The following BMPR1B variants were observed in gnomAD, a reference collection of about 807,000 sequenced individuals.
BMPR1B encodes bone morphogenetic protein receptor type-1B.
In BMPR1B, 12 loss-of-function variants were observed where a neutral mutation model predicts 59.1. The observed-to-expected ratio is 0.20, with a 90% CI of 0.13 to 0.33. The LOEUF is 0.33. Among genes scored for constraint, BMPR1B ranks in the 10% least tolerant of loss-of-function variants. The pLI, the probability that BMPR1B is intolerant of heterozygous loss-of-function variation, is 1.00. For missense variants in BMPR1B, 550 were observed against 610.9 expected, an observed-to-expected ratio of 0.90 and a Z score of 1.05; for synonymous variants, 237 against 207.3, an observed-to-expected ratio of 1.14 and a Z score of -1.23.
intron 1 of BMPR1B, among the ~76,000 whole-genome samples, chr4:94,834,944 T>G (rs1490259892): frequency 6.9e-6 from 1 of 144,266 alleles, no homozygotes; most frequent in African/African-American, 2.6e-5. Context: ...GTTTCTTTGT[T>G]TTTTTTTTTT....
At chr4:94,761,177 T>A (rs935297247) in intron 1 of BMPR1B, among the ~76,000 whole-genome samples, 3 of 152,226 alleles carry the variant, frequency 2.0e-5, no homozygotes, top group African/African-American at 7.2e-5. Context: ...CTCTGAAGAT[T>A]TCTTTTCATG....
intron 2 of BMPR1B, among the ~76,000 whole-genome samples, chr4:94,935,000 C>T (rs537314757): frequency 6.6e-6 from 1 of 152,032 alleles, no homozygotes; most frequent in Admixed American, 6.6e-5. Flanking sequence ...CATAACTACA[C>T]TAAGTCATAG....
intron 3 of BMPR1B, among the ~76,000 whole-genome samples, chr4:95,078,419 A>T (rs544579149): frequency 4.6e-5 from 7 of 152,222 alleles, no homozygotes; most frequent in Non-Finnish European, 8.8e-5. Context: ...ACTAACATTT[A>T]TTGGTCATTT....
Position 94,986,096 on chromosome 4 carries a change from A to AT in BMPR1B, c.-112-9940dup, listed in dbSNP as rs536085654. 2.4e-4 allele frequency among the ~76,000 whole-genome samples: 36 copies of AT among 152,336 alleles called. No homozygotes were observed. The South Asian group carries it at 6.8e-3, about 29-fold the overall frequency. On this transcript the variant is annotated intron_variant, in intron 2 of 12. Coordinates refer to ENST00000515059, the MANE Select transcript of BMPR1B (RefSeq NM_001203.3). Reference sequence around the variant, plus strand: ...ACATAAGTATTTATATAAAACAATTATTTTGATTCATTGGTTTATACCAGT... The same window carrying AT: ...ACATAAGTATTTATATAAAACAATTATTTTTGATTCATTGGTTTATACCAGT...
At chr4:94,785,393 A>G (rs893228700) in intron 1 of BMPR1B, among the ~76,000 whole-genome samples, 2 of 152,236 alleles carry the variant, frequency 1.3e-5, no homozygotes, top group Non-Finnish European at 2.9e-5. Flanking sequence ...AAGGACTGCT[A>G]GTCGTCAGGG....
intron 2 of BMPR1B, among the ~76,000 whole-genome samples, chr4:94,962,451 C>T (rs1296014519): frequency 6.6e-6 from 1 of 151,922 alleles, no homozygotes; most frequent in African/African-American, 2.4e-5. Flanking sequence ...ATGTTTGTAC[C>T]CATTAATCAA....
At chr4:95,012,035 A>T (rs1258650244) in intron 3 of BMPR1B, among the ~76,000 whole-genome samples, 1 of 151,652 alleles carries the variant, frequency 6.6e-6, no homozygotes, top group Non-Finnish European at 1.5e-5. Context: ...AACAACAACA[A>T]CAACAAAAAA....
At chr4:94,884,818 G>GT (rs2148983475) in intron 2 of BMPR1B, among the ~76,000 whole-genome samples, 1 of 152,312 alleles carries the variant, frequency 6.6e-6, no homozygotes, top group South Asian at 2.1e-4. Flanking sequence ...AAGAAGTGAA[G>GT]TCTGTTTTCC....
At chr4:95,069,277 G>C (rs1728092925) in intron 3 of BMPR1B, among the ~76,000 whole-genome samples, 1 of 152,134 alleles carries the variant, frequency 6.6e-6, no homozygotes, top group Admixed American at 6.5e-5. Context: ...GCTCTCTATA[G>C]TCTATTCTTA....
chr4:94,824,441 T>C (rs1724313289), intron 1 of BMPR1B, among the ~76,000 whole-genome samples: 2 of 152,256 alleles, frequency 1.3e-5, no homozygotes, highest in South Asian at 4.1e-4. Context: ...TAATCACTTA[T>C]GGAGCTTCCA....
rs1378343114 is a variant in BMPR1B, at chr4:95,154,539, C to T, written c.1384-9C>T. 2.5e-6 allele frequency: 4 copies of T among 1,613,962 alleles called. No individual in the cohort carries two copies. The highest frequency in any genetic ancestry group is 3.3e-5 in the Admixed American group (2 of 60,010). On this transcript the variant is annotated splice_polypyrimidine_tract_variant and intron_variant, in intron 12 of 12. Coordinates refer to ENST00000515059, the MANE Select transcript of BMPR1B (RefSeq NM_001203.3). Reference sequence around the variant, plus strand: ...GATGATACATTTTTCTAACATTTCTCTTCCTCAGTGTCTAAGGCAGATGGG... The same window carrying T: ...GATGATACATTTTTCTAACATTTCTTTTCCTCAGTGTCTAAGGCAGATGGG...
In BMPR1B at chr4:94,924,499, C is replaced by G. The variant is rs559691817; in HGVS notation, c.-113+48599C>G. On this transcript the variant is annotated intron_variant, in intron 2 of 12. Coordinates refer to ENST00000515059, the MANE Select transcript of BMPR1B (RefSeq NM_001203.3). Reference sequence around the variant, plus strand: ...CCCATCACTGCTCTCAAAACAAGGACTATGATAAAGAGTGGGGACAGAAGC... The same window carrying G: ...CCCATCACTGCTCTCAAAACAAGGAGTATGATAAAGAGTGGGGACAGAAGC... Among the ~76,000 whole-genome samples the G allele has an allele frequency of 7.2e-5, 11 of 152,196 alleles. No homozygotes were observed. In the South Asian group the frequency reaches 2.3e-3, roughly 32 times the overall value.
At chr4:95,148,460 A>T (rs1246146001) in intron 10 of BMPR1B, among the ~76,000 whole-genome samples, 3 of 151,772 alleles carry the variant, frequency 2.0e-5, no homozygotes, top group African/African-American at 7.3e-5. Flanking sequence ...TATGTTGCCC[A>T]GTCAGGCCTT....
At chr4:94,775,046 A>G (rs1340897599) in intron 1 of BMPR1B, among the ~76,000 whole-genome samples, 1 of 152,148 alleles carries the variant, frequency 6.6e-6, no homozygotes, top group Admixed American at 6.5e-5. Context: ...TTTGACTAAA[A>G]CTAGTGTAGA....
At chr4:95,082,369 C>A (rs1402570155) in intron 3 of BMPR1B, among the ~76,000 whole-genome samples, 1 of 152,020 alleles carries the variant, frequency 6.6e-6, no homozygotes, top group Non-Finnish European at 1.5e-5. Context: ...TCGCAGAGCA[C>A]AGAGCTTTAC....
At position 95,131,328 on chromosome 4, in the gene BMPR1B, G is replaced by A. The variant is rs373000965; in HGVS notation, c.892G>A (p.Ala298Thr). 91 of 1,613,842 alleles carry A rather than the reference G, an allele frequency of 5.6e-5. No individual in the cohort carries two copies. The highest frequency in any genetic ancestry group is 9.3e-5 in the African/African-American group (7 of 74,964). ...TTATCTGAAGTCCACCACCCTAGAC[G>A]CTAAATCAATGCTGAAGTTAGCCTA... ...YDYLKSTTLD[A>T]KSMLKLAYSS... Residue 298 changes from alanine (A) to threonine (T), a missense_variant, in exon 10 of 13, where the codon GCT (alanine) becomes ACT (threonine). Around this residue, in one of 6 missense-constraint regions of BMPR1B, gnomAD observed 318 missense variants for 284.6 expected, o/e 1.12. Coordinates refer to ENST00000515059, the MANE Select transcript of BMPR1B (RefSeq NM_001203.3).
In BMPR1B at chr4:95,075,402, G is replaced by A. The variant is rs558373328; in HGVS notation, c.-17-29006G>A. ...GTCTGTTTTTTAGATGCATGATAGC[G>A]GTACTTTATTTTCACATGTTGTATG... is the stretch of plus-strand genomic sequence containing the variant. On this transcript the variant is annotated intron_variant, in intron 3 of 12. Transcript: ENST00000515059. Among the ~76,000 whole-genome samples the A allele has an allele frequency of 9.9e-5, 15 of 152,098 alleles. No homozygotes were observed. The South Asian group carries it at 2.7e-3, about 27-fold the overall frequency.
At chr4:95,105,202 A>G (rs954803531) in intron 4 of BMPR1B, among the ~76,000 whole-genome samples, 6 of 152,102 alleles carry the variant, frequency 3.9e-5, no homozygotes, top group African/African-American at 1.2e-4. Flanking sequence ...TCTGATCACT[A>G]TAGCTGCATT....
rs180849903 is a variant in BMPR1B, at chr4:95,139,884, G to C, written c.1076+8372G>C. On this transcript the variant is annotated intron_variant, in intron 10 of 12. Transcript: ENST00000515059. ...AATTCCCTGACCCCTTGCGCTTGCC[G>C]GGTGAGGCGATATGCCCCACCCTGC... Among the ~76,000 whole-genome samples the C allele has an allele frequency of 2.6e-5, 4 of 152,300 alleles. No individual in the cohort carries two copies. The East Asian group carries it at 7.7e-4, about 29-fold the overall frequency.
Sources: gnomAD v4.1 joint callset for allele counts (sites outside exome capture counted in the v4.1 genomes callset) on GRCh38, gnomAD v4.1.1 for gene constraint, gnomAD v4.1.1 regional missense constraint, MANE v1.5 for transcripts, NCBI Gene and HGNC (gene_info 2026-07-23, HGNC 2026-07-21) for gene names.